Variants in HIPK2 observed in about 807,000 individuals in gnomAD.
HIPK2 encodes the protein homeodomain-interacting protein kinase 2.
Under a neutral mutation model 113.7 loss-of-function variants are expected in HIPK2, and 27 were observed. The ratio of observed to expected loss-of-function variants is 0.24; its 90% CI spans 0.17 to 0.33. The LOEUF (loss-of-function observed/expected upper bound fraction) is 0.33. Among genes scored for constraint, HIPK2 ranks in the 10% least tolerant of loss-of-function variants. HIPK2 has a pLI of 1.00. For missense variants in HIPK2, 1,257 were observed against 1,588.0 expected, an observed-to-expected ratio of 0.79 and a Z score of 3.54; for synonymous variants, 631 against 642.2, an observed-to-expected ratio of 0.98 and a Z score of 0.26.
In HIPK2 at chr7:139,717,874, G is replaced by T. The variant is rs559892355; in HGVS notation, c.20-859C>A. Among the ~76,000 whole-genome samples, 6 of 152,088 alleles carry T rather than the reference G, an allele frequency of 3.9e-5. No homozygotes were observed. In the East Asian group the frequency reaches 1.2e-3, roughly 29 times the overall value. Reference sequence around the variant, plus strand: ...CATTCTCCTGCCTCAGCCTCCAAAGGCTGGGATTATAGGTTCCTGCCACCA... The same window carrying T: ...CATTCTCCTGCCTCAGCCTCCAAAGTCTGGGATTATAGGTTCCTGCCACCA... On this transcript the variant is annotated intron_variant, in intron 1 of 14. Coordinates refer to ENST00000406875, the MANE Select transcript of HIPK2 (RefSeq NM_022740.5).
intron 12 of HIPK2, among the ~76,000 whole-genome samples, chr7:139,589,360 A>G (rs901062296): frequency 2.0e-5 from 3 of 151,866 alleles, no homozygotes; most frequent in Non-Finnish European, 2.9e-5. Context: ...GTTCTTGCTG[A>G]TCATATCTTC....
intron 2 of HIPK2, among the ~76,000 whole-genome samples, chr7:139,653,710 T>C (rs1429735680): frequency 2.6e-5 from 4 of 152,010 alleles, no homozygotes; most frequent in African/African-American, 9.7e-5. Context: ...GAACAAAACA[T>C]GCTCCTCTGG....
chr7:139,602,077 C>G (rs147212846), intron 10 of HIPK2, among the ~76,000 whole-genome samples: 3,069 of 151,708 alleles, frequency 0.02, 105 homozygotes, highest in African/African-American at 0.071. Context: ...CTCAGCCTCC[C>G]GAGTAGCTGG....
chr7:139,609,588 C>T (rs908161113), intron 9 of HIPK2, among the ~76,000 whole-genome samples: 3 of 152,174 alleles, frequency 2.0e-5, no homozygotes, highest in African/African-American at 7.2e-5. Context: ...AGAAATTTAA[C>T]TGTAGAAAAA....
chr7:139,561,614 G>A lies in HIPK2; in HGVS notation c.*11313C>T, dbSNP rs901689510. 2 of 152,140 alleles carry A rather than the reference G, an allele frequency of 1.3e-5. No individual in the cohort carries two copies. Among genetic ancestry groups the A allele is most frequent in the African/African-American group, 2.4e-5 (1 of 41,412 alleles). The allele number at this position is 152,140 out of a possible 1,614,324, so 9.4% of individuals were successfully genotyped here. On this transcript the variant is annotated 3_prime_UTR_variant, in exon 15 of 15. Transcript: ENST00000406875. ...TTAATGTAATTCCAAGACAAAGTGT[G>A]ATTACATTTCTACACATATACAATA...
intron 2 of HIPK2, among the ~76,000 whole-genome samples, chr7:139,707,661 G>A (rs1794942357): frequency 2.6e-5 from 4 of 152,222 alleles, no homozygotes; most frequent in African/African-American, 4.8e-5. Context: ...CTGCAGAGCC[G>A]AGGGCACTCC....
chr7:139,728,041 G>C (rs1003838061), intron 1 of HIPK2, among the ~76,000 whole-genome samples: 1 of 148,458 alleles, frequency 6.7e-6, no homozygotes, highest in Non-Finnish European at 1.5e-5. Flanking sequence ...CTGGGCTCAA[G>C]AGATCCTCCC....
chr7:139,707,190 G>A (rs1286077949), intron 2 of HIPK2, among the ~76,000 whole-genome samples: 2 of 152,236 alleles, frequency 1.3e-5, no homozygotes, highest in African/African-American at 4.8e-5. Flanking sequence ...CCTTAGGCCT[G>A]TGATCATCTC....
chr7:139,744,724 C>G (rs1453571574), intron 1 of HIPK2, among the ~76,000 whole-genome samples: 2 of 152,198 alleles, frequency 1.3e-5, no homozygotes, highest in East Asian at 1.9e-4. Flanking sequence ...TGCCAAGAGG[C>G]CCGCTGCGAA....
chr7:139,574,423 C>T (rs899091827), intron 14 of HIPK2, among the ~76,000 whole-genome samples: 2 of 152,156 alleles, frequency 1.3e-5, no homozygotes, highest in African/African-American at 4.8e-5. Context: ...GAAGTTCTGT[C>T]AGTCCAAATA....
chr7:139,601,720 TA>T (rs1799431117), intron 10 of HIPK2, among the ~76,000 whole-genome samples: 1 of 152,182 alleles, frequency 6.6e-6, no homozygotes, highest in African/African-American at 2.4e-5. Context: ...ACAGAAATGT[TA>T]AAGGTGGTGA....
chr7:139,670,465 C>T (rs1408554513), intron 2 of HIPK2, among the ~76,000 whole-genome samples: 1 of 151,422 alleles, frequency 6.6e-6, no homozygotes, highest in Non-Finnish European at 1.5e-5. Context: ...TGATGGCACA[C>T]ACCTGTAGTC....
At chr7:139,589,486 T>C (rs1798945576) in intron 12 of HIPK2, among the ~76,000 whole-genome samples, 1 of 151,892 alleles carries the variant, frequency 6.6e-6, no homozygotes, top group Non-Finnish European at 1.5e-5. Flanking sequence ...AAAATTCAAA[T>C]TGGGCATATT....
At chr7:139,735,679 C>T (rs1028214978) in intron 1 of HIPK2, among the ~76,000 whole-genome samples, 4 of 152,194 alleles carry the variant, frequency 2.6e-5, no homozygotes, top group African/African-American at 9.7e-5. Context: ...TTGAACGGTG[C>T]AGGCTTCAGA....
chr7:139,627,307 T>C (rs1172744456), intron 5 of HIPK2, among the ~76,000 whole-genome samples: 1 of 151,100 alleles, frequency 6.6e-6, no homozygotes, highest in Non-Finnish European at 1.5e-5. Flanking sequence ...TCTATGTATG[T>C]ATGTATGTAT....
rs1798031153 is a variant in HIPK2 at position 139,564,322 on chromosome 7, G to A, written c.*8605C>T. ...TATCACCCCCGGCCCAGAAGTAGCA[G>A]CTGTGCCTTCATGGTCACCTGAATC... On this transcript the variant is annotated 3_prime_UTR_variant, in exon 15 of 15. Transcript: ENST00000406875. 5.8e-6 allele frequency: 1 copy of A among 173,610 alleles called. No homozygotes were observed. Among genetic ancestry groups the A allele is most frequent in the South Asian group, 2.0e-4 (1 of 5,008 alleles). 10.8% of individuals were successfully genotyped at this position (173,610 alleles called of 1,614,324 possible).
In HIPK2 at chr7:139,572,986, T is replaced by A. The variant is rs1164315294; in HGVS notation, c.3538A>T (p.Thr1180Ser). The change falls in exon 15 of 15, where the codon ACC becomes TCC. Residue 1180 changes from threonine to serine, a missense_variant. Physicochemically the swap from Thr to Ser is moderately conservative, Grantham distance 58. Coordinates refer to ENST00000406875, the MANE Select transcript of HIPK2 (RefSeq NM_022740.5). ...QTYISASPAS[T>S]VYTGYPLSPA... ...CTCAGTGGGTATCCAGTGTAGACGG[T>A]GGAGGCTGGCGAGGCGCTGATGTAG... 1 of 1,405,356 alleles carries A rather than the reference T, an allele frequency of 7.1e-7. No homozygotes were observed. The highest frequency in any genetic ancestry group is 1.2e-5 in the South Asian group (1 of 86,086). The allele number at this position is 1,405,356 out of a possible 1,614,324, so 87.1% of individuals were successfully genotyped here. A position where few individuals can be genotyped will look rare whatever the true frequency, so the allele number is the denominator to read the frequency against.
chr7:139,759,477 G>T (rs576298652), intron 1 of HIPK2, among the ~76,000 whole-genome samples: 39 of 152,288 alleles, frequency 2.6e-4, no homozygotes, highest in Non-Finnish European at 3.7e-4. Context: ...TAAATGACAT[G>T]TCTACAAGGT....
intron 2 of HIPK2, among the ~76,000 whole-genome samples, chr7:139,670,748 TTTC>T (rs1802243358): frequency 1.2e-5 from 1 of 84,494 alleles, no homozygotes; most frequent in Non-Finnish European, 2.1e-5. Context: ...TCTTTCTTTC[TTTC>T]TTTCTTTCTT....
Sources: allele counts gnomAD v4.1 joint callset (sites outside exome capture counted in the v4.1 genomes callset), GRCh38; gene constraint gnomAD v4.1.1; transcripts MANE v1.5; gene names NCBI Gene and HGNC (gene_info 2026-07-23, HGNC 2026-07-21).